The following MCM7 variants were observed in gnomAD, a reference collection of about 807,000 sequenced individuals.
MCM7 encodes the protein minichromosome maintenance complex component 7, also known as DNA replication licensing factor MCM7.
MCM7 carries 95 observed loss-of-function variants against 83.5 expected under a neutral mutation model. That is an observed-to-expected ratio of 1.14 (90% CI 0.96 to 1.35). The LOEUF (loss-of-function observed/expected upper bound fraction) is 1.35. Among genes scored for constraint, MCM7 ranks in the 40% most tolerant of loss-of-function variants. The pLI is 0.00. For synonymous variants in MCM7, 461 were observed against 352.7 expected (o/e 1.31, Z -3.44); for missense variants, 1,087 against 957.4 (o/e 1.14, Z -1.79).
chr7:100,093,023 G>T lies in MCM7; in HGVS notation c.2069C>A (p.Thr690Lys). ...CAGAGCCGCCTGGAACTGGGCGGGT[G>T]TGAAGCCACGAGATACACAGCGCTG... ...AEQRCVSRGFTPAQFQAALDE... is the reference protein window; with the variant it reads ...AEQRCVSRGFKPAQFQAALDE... The change falls in exon 15 of 15, where the codon ACA becomes AAA. Residue 690 changes from threonine to lysine, a missense_variant. Transcript: ENST00000303887. The T allele has an allele frequency of 6.2e-7, 1 of 1,614,246 alleles. No individual in the cohort carries two copies. Among genetic ancestry groups the T allele is most frequent in the Non-Finnish European group, 8.5e-7 (1 of 1,180,050 alleles).
rs1277893669 is a variant in MCM7, at chr7:100,096,054, G to A, written c.1315C>T (p.Gln439Ter). The change falls in exon 11 of 15, where the codon CAG becomes TAG. Residue 439 changes from glutamine to a stop codon, truncating the protein, a stop_gained. Transcript: ENST00000303887. LOFTEE classifies it high-confidence loss of function. ...AACTCATCAATGCAGCACACACCCT[G>A]GTCAGCCAGCACCAGGGCCCCACCC... ...LEGGALVLAD[Q>*]GVCCIDEFDK... 2.5e-6 allele frequency: 4 copies of A among 1,614,006 alleles called. No individual in the cohort carries two copies. Among genetic ancestry groups the A allele is most frequent in the Non-Finnish European group, 1.7e-6 (2 of 1,180,004 alleles).
rs570521282 is a variant in MCM7, at chr7:100,095,633, G to C, written c.1595+141C>G. On this transcript the variant is annotated intron_variant, in intron 11 of 14. Coordinates refer to ENST00000303887, the MANE Select transcript of MCM7 (RefSeq NM_005916.5). ...TTCAGCCCCAACCCACCATTTCCCT[G>C]AGAACCATGGACCAGCCCCTGCTGC... The C allele has an allele frequency of 5.3e-5, 71 of 1,346,830 alleles. No homozygotes were observed. In the East Asian group the frequency reaches 1.6e-3, roughly 31 times the overall value. The allele number at this position is 1,346,830 out of a possible 1,614,324, so 83.4% of individuals were successfully genotyped here.
Position 100,100,042 on chromosome 7 carries a change from T to C in MCM7, c.83A>G (p.Lys28Arg), listed in dbSNP as rs758895720. The change falls in exon 2 of 15, where the codon AAG becomes AGG. Residue 28 changes from lysine to arginine, a missense_variant. Coordinates refer to ENST00000303887, the MANE Select transcript of MCM7 (RefSeq NM_005916.5). ...CTGGTTCCCATACTTGAACTGCTTCTTCCCGAGTTCATCATCCTGGTAGAA... is the reference window on the plus strand; with the variant it reads ...CTGGTTCCCATACTTGAACTGCTTCCTCCCGAGTTCATCATCCTGGTAGAA... ...QEFYQDDELG[K>R]KQFKYGNQLV... 1 of 1,614,184 alleles carries C rather than the reference T, an allele frequency of 6.2e-7. No individual in the cohort carries two copies. The highest frequency in any genetic ancestry group is 8.5e-7 in the Non-Finnish European group (1 of 1,179,988).
At chr7:100,093,253 A>G (rs775883164) in intron 14 of MCM7, 39 bp downstream of exon 14, 1 of 1,602,710 alleles carries the variant, frequency 6.2e-7, no homozygotes, top group South Asian at 1.1e-5. Context: ...GCCACAGAAG[A>G]CAAAGTGACA....
intron 13 of MCM7, 109 bp from the exon 14 acceptor site, chr7:100,093,510 C>T: frequency 1.0e-6 from 1 of 985,746 alleles, no homozygotes; most frequent in Non-Finnish European, 1.6e-6. Flanking sequence ...GGGTCGCCTA[C>T]TCACAAAACA....
intron 2 of MCM7, 90 bp downstream of exon 2, chr7:100,099,924 T>C: frequency 6.9e-7 from 1 of 1,441,284 alleles, no homozygotes; most frequent in Non-Finnish European, 9.7e-7. Flanking sequence ...ACCCTCTAAT[T>C]GTTATGTCTT....
intron 6 of MCM7, 78 bp downstream of exon 6, chr7:100,098,500 C>T: frequency 6.3e-7 from 1 of 1,588,956 alleles, no homozygotes; most frequent in Non-Finnish European, 8.6e-7. Flanking sequence ...CTTCTTTCTT[C>T]CTGCCATTCC....
intron 1 of MCM7, chr7:100,100,320 G>A (rs1268475500): frequency 5.6e-6 from 7 of 1,244,492 alleles, no homozygotes; most frequent in Non-Finnish European, 7.1e-6. Flanking sequence ...TCTCCCCAGG[G>A]GAATTCCGGT....
At position 100,097,634 on chromosome 7, in the gene MCM7, G is replaced by C; in HGVS notation, c.1097C>G (p.Pro366Arg). The C allele has an allele frequency of 1.2e-6, 2 of 1,613,988 alleles. No individual in the cohort carries two copies. Among genetic ancestry groups the C allele is most frequent in the Non-Finnish European group, 1.7e-6 (2 of 1,180,038 alleles). Residue 366 changes from proline (P) to arginine (R), a missense_variant, in exon 9 of 15, where the codon CCT (proline) becomes CGT (arginine). Pro to Arg is a moderately radical substitution (Grantham distance 103). Coordinates refer to ENST00000303887, the MANE Select transcript of MCM7 (RefSeq NM_005916.5). ...LLLVGGVDQS[P>R]RGMKIRGNIN... ...CTTACCCCGGATTTTCATGCCTCGA[G>C]GAGACTGGTCCACACCCCCGACTAG...
rs747525291 is a variant in MCM7, at chr7:100,100,107, T to C, written c.32-14A>G. On this transcript the variant is annotated splice_polypyrimidine_tract_variant and intron_variant, in intron 1 of 14. Transcript: ENST00000303887. Reference sequence around the variant, plus strand: ...TCTTAACCTTTTCTGTAACATGAAATGTAAAACCGTAAGACACAAACTTTA... The same window carrying C: ...TCTTAACCTTTTCTGTAACATGAAACGTAAAACCGTAAGACACAAACTTTA... 1.9e-5 allele frequency: 30 copies of C among 1,613,404 alleles called. No homozygotes were observed. The highest frequency in any genetic ancestry group is 2.3e-5 in the Non-Finnish European group (27 of 1,179,676).
intron 13 of MCM7, chr7:100,093,929 C>A: frequency 1.4e-6 from 1 of 704,638 alleles, no homozygotes; most frequent in Non-Finnish European, 2.7e-6. Flanking sequence ...AGACCCCAAC[C>A]ACCCTCTCAG....
intron 3 of MCM7, 63 bp downstream of exon 3, chr7:100,099,526 C>T: frequency 6.3e-7 from 1 of 1,594,966 alleles, no homozygotes; most frequent in South Asian, 1.1e-5. Context: ...AGTATCTGAG[C>T]AGCCTCTCTA....
rs1584492634 is a variant in MCM7 at position 100,097,880 on chromosome 7, C to T, written c.939G>A (p.Glu313=). The change falls in exon 8 of 15, where the codon GAG becomes GAA. Residue 313 remains glutamate (E), a synonymous_variant. Transcript: ENST00000303887. ...IVKMNKSEDD[E]SGAGELTREE... is the part of the protein sequence containing the mutation. ...CCCTGGTGAGCTCTCCAGCCCCAGA[C>T]TCATCATCCTCACTCTTGTTCATCT... 6.2e-7 allele frequency: 1 copy of T among 1,614,194 alleles called. No individual in the cohort carries two copies. The highest frequency in any genetic ancestry group is 8.5e-7 in the Non-Finnish European group (1 of 1,180,036).
At chr7:100,094,083 G>A (rs372672761) in intron 13 of MCM7, 90 bp downstream of exon 13, 29 of 1,509,386 alleles carry the variant, frequency 1.9e-5, no homozygotes, top group Non-Finnish European at 2.6e-5. Flanking sequence ...GGGCTGGAGC[G>A]GGAGGTGGGG....
rs755700140 is a variant in MCM7, at chr7:100,093,024, T to G, written c.2068A>C (p.Thr690Pro). 6.2e-7 allele frequency: 1 copy of G among 1,614,176 alleles called. No individual in the cohort carries two copies. Among genetic ancestry groups the G allele is most frequent in the Non-Finnish European group, 8.5e-7 (1 of 1,180,028 alleles). Residue 690 changes from threonine (T) to proline (P), a missense_variant, in exon 15 of 15, where the codon ACA becomes CCA. By Grantham distance (38) the Thr-to-Pro change is conservative. Transcript: ENST00000303887. ...AGAGCCGCCTGGAACTGGGCGGGTG[T>G]GAAGCCACGAGATACACAGCGCTGC... is the stretch of plus-strand genomic sequence containing the variant. ...AEQRCVSRGF[T>P]PAQFQAALDE...
Position 100,094,167 on chromosome 7 carries a change from A to C in MCM7, c.1848+6T>G, listed in dbSNP as rs746236374. On this transcript the variant is annotated splice_donor_region_variant and intron_variant, in intron 13 of 14. Coordinates refer to ENST00000303887, the MANE Select transcript of MCM7 (RefSeq NM_005916.5). Reference sequence around the variant, plus strand: ...CAGATGGCCCTCCAGCAATTTGGGCACTTACCAGAGCAGTGGAAAGGCGCA... The same window carrying C: ...CAGATGGCCCTCCAGCAATTTGGGCCCTTACCAGAGCAGTGGAAAGGCGCA... The C allele has an allele frequency of 9.9e-6, 16 of 1,614,034 alleles. No homozygotes were observed. Among genetic ancestry groups the C allele is most frequent in the Non-Finnish European group, 1.4e-5 (16 of 1,180,010 alleles).
Position 100,097,904 on chromosome 7 carries a change from C to T in MCM7, c.915G>A (p.Lys305=). The change falls in exon 8 of 15, where the codon AAG becomes AAA. Residue 305 remains lysine (K), a synonymous_variant. Coordinates refer to ENST00000303887, the MANE Select transcript of MCM7 (RefSeq NM_005916.5). ...ACTCATCATCCTCACTCTTGTTCAT[C>T]TTCACAATCCGATGGGCTTCCAGGT... The part of the protein sequence containing the change: ...ETYLEAHRIV[K]MNKSEDDESG... 1.2e-6 allele frequency: 2 copies of T among 1,614,198 alleles called. No homozygotes were observed. Among genetic ancestry groups the T allele is most frequent in the South Asian group, 2.2e-5 (2 of 91,082 alleles).
rs146340949 is a variant in MCM7 at position 100,097,732 on chromosome 7, G to A, written c.999C>T (p.Tyr333=). The A allele has an allele frequency of 3.0e-5, 49 of 1,614,100 alleles. No homozygotes were observed. Among genetic ancestry groups the A allele is most frequent in the East Asian group, 2.5e-4 (11 of 44,886 alleles). ...GGGCGATTGAAGCTGCCAGCTTTTC[G>A]TAGAAATCCTCCTCTGTAGAGAAGT... ...ELRQIAEEDF[Y]EKLAASIAPE... is the part of the protein sequence containing the mutation. The change falls in exon 9 of 15, where the codon TAC becomes TAT. Residue 333 remains tyrosine, a synonymous_variant. Transcript: ENST00000303887.
chr7:100,100,290 G>A (rs1707075304), intron 1 of MCM7, 197 bp from the exon 2 acceptor site: 2 of 1,352,400 alleles, frequency 1.5e-6, no homozygotes, highest in Non-Finnish European at 9.5e-7. Context: ...GCCCGTGGCA[G>A]TGCACAGGGC....
Sources: allele counts gnomAD v4.1 joint callset, GRCh38; gene constraint gnomAD v4.1.1; transcripts MANE v1.5; gene names NCBI Gene and HGNC (gene_info 2026-07-23, HGNC 2026-07-21).